The following RAB43 variants were observed in gnomAD, a reference collection of about 807,000 sequenced individuals.
RAB43 encodes ras-related protein Rab-43.
Under a neutral mutation model 18.8 loss-of-function variants are expected in RAB43, and 6 were observed. The observed-to-expected ratio is 0.32, with a 90% CI of 0.17 to 0.63. The LOEUF (loss-of-function observed/expected upper bound fraction) is 0.63. RAB43 is among the 30% of genes least tolerant of loss of function. The pLI is 0.79. For synonymous variants in RAB43, 103 were observed against 124.1 expected (o/e 0.83, Z 1.13); for missense variants, 195 against 289.1 (o/e 0.67, Z 2.36).
intron 1 of RAB43, among the ~76,000 whole-genome samples, chr3:129,114,132 T>C (rs536362172): frequency 1.3e-5 from 2 of 152,202 alleles, no homozygotes; most frequent in Admixed American, 6.5e-5. Flanking sequence ...GTCTAGAAAG[T>C]GGGATTTTTC....
intron 1 of RAB43, among the ~76,000 whole-genome samples, chr3:129,099,155 G>A (rs189070430): frequency 0.015 from 2,254 of 151,376 alleles, 39 homozygotes; most frequent in African/African-American, 0.052. Context: ...GCAGTGGCGC[G>A]GTCTCGGCTC....
chr3:129,108,888 C>T (rs1399952731), intron 1 of RAB43, among the ~76,000 whole-genome samples: 1 of 152,172 alleles, frequency 6.6e-6, no homozygotes, highest in African/African-American at 2.4e-5. Flanking sequence ...GGGGCTGCCT[C>T]CTGTGCTGCA....
chr3:129,105,303 A>C (rs1037174263), intron 1 of RAB43, among the ~76,000 whole-genome samples: 39 of 152,050 alleles, frequency 2.6e-4, no homozygotes, highest in African/African-American at 9.2e-4. Flanking sequence ...AAATACAAAA[A>C]TTAGCTGGGC....
intron 1 of RAB43, among the ~76,000 whole-genome samples, chr3:129,100,298 G>A (rs1333168121): frequency 2.6e-5 from 4 of 152,132 alleles, no homozygotes; most frequent in Non-Finnish European, 5.9e-5. Flanking sequence ...CATAAGACAG[G>A]GTGAAATCAA....
intron 1 of RAB43, among the ~76,000 whole-genome samples, chr3:129,103,650 C>T (rs1222722293): frequency 8.5e-5 from 13 of 152,062 alleles, no homozygotes; most frequent in Non-Finnish European, 1.5e-4. Context: ...CTGCAACCTC[C>T]GCCTCCCAGC....
In RAB43 at chr3:129,121,799, C is replaced by T. The variant is rs1935956821; in HGVS notation, c.-310G>A. On this transcript the variant is annotated 5_prime_UTR_variant, in exon 1 of 3. Transcript: ENST00000315150. The stretch of plus-strand genomic sequence containing the variant: ...GCCGGTCCTCAGCTCCGTGCCACAC[C>T]AGTCTGGCCTGTAGGCCCGCCCCAG... 1 of 187,678 alleles carries T rather than the reference C, an allele frequency of 5.3e-6. No homozygotes were observed. Among genetic ancestry groups the T allele is most frequent in the Non-Finnish European group, 1.1e-5 (1 of 92,016 alleles). The allele number at this position is 187,678 out of a possible 1,614,324, so 11.6% of individuals were successfully genotyped here. A position where few individuals can be genotyped will look rare whatever the true frequency, so the allele number is the denominator to read the frequency against.
chr3:129,109,840 A>G (rs912451101), intron 1 of RAB43, among the ~76,000 whole-genome samples: 1 of 151,878 alleles, frequency 6.6e-6, no homozygotes, highest in Admixed American at 6.6e-5. Flanking sequence ...CAATGAGGAG[A>G]AAGTAAAAGT....
At position 129,121,385 on chromosome 3, in the gene RAB43, C is replaced by T; in HGVS notation, c.105G>A (p.Val35=). 1.2e-6 allele frequency: 2 copies of T among 1,612,704 alleles called. No homozygotes were observed. The highest frequency in any genetic ancestry group is 3.3e-5 in the Admixed American group (2 of 59,814). The change falls in exon 1 of 3, where the codon GTG becomes GTA. Residue 35 remains valine (V), a synonymous_variant. Coordinates refer to ENST00000315150, the MANE Select transcript of RAB43 (RefSeq NM_198490.3). ...GDASVGKTCV[V]QRFKTGAFSE... ...AGAAGGCGCCGGTCTTGAAGCGCTG[C>T]ACCACGCACGTCTTGCCCACGCTTG...
intron 1 of RAB43, among the ~76,000 whole-genome samples, chr3:129,110,720 T>C (rs1935111512): frequency 6.6e-6 from 1 of 152,240 alleles, no homozygotes; most frequent in Non-Finnish European, 1.5e-5. Context: ...GAGTGGCTGC[T>C]TATGGTGATG....
At chr3:129,103,987 T>C (rs1459963319) in intron 1 of RAB43, among the ~76,000 whole-genome samples, 1 of 152,242 alleles carries the variant, frequency 6.6e-6, no homozygotes, top group Non-Finnish European at 1.5e-5. Flanking sequence ...AAAGGTTTAC[T>C]TTCTCTGCCT....
intron 1 of RAB43, among the ~76,000 whole-genome samples, chr3:129,116,025 G>A (rs139909253): frequency 3.3e-5 from 5 of 152,104 alleles, no homozygotes; most frequent in African/African-American, 9.7e-5. Context: ...GCCCCAAAGC[G>A]CAGGAATAGC....
intron 1 of RAB43, among the ~76,000 whole-genome samples, chr3:129,111,975 C>T (rs1370348356): frequency 2.6e-5 from 4 of 152,232 alleles, no homozygotes; most frequent in South Asian, 4.1e-4. Context: ...AAGCCAGGCA[C>T]GGCAGCTCAC....
chr3:129,118,072 G>A (rs1465691590), intron 1 of RAB43, among the ~76,000 whole-genome samples: 1 of 152,150 alleles, frequency 6.6e-6, no homozygotes, highest in South Asian at 2.1e-4. Flanking sequence ...TGGCATTTGC[G>A]TTGGGACCTG....
rs1201578076 is a variant in RAB43 at position 129,121,269 on chromosome 3, C to T, written c.204+17G>A. 10 of 1,587,572 alleles carry T rather than the reference C, an allele frequency of 6.3e-6. No individual in the cohort carries two copies. The highest frequency in any genetic ancestry group is 8.6e-6 in the Non-Finnish European group (10 of 1,166,806). On this transcript the variant is annotated intron_variant, in intron 1 of 2. Transcript: ENST00000315150. ...CTCCGAGGGAGCGCCTTCCAGGGGC[C>T]CTGGCCGGCCTCCCACCTTGACCCG... is the stretch of plus-strand genomic sequence containing the variant.
intron 2 of RAB43, 33 bp from the exon 3 acceptor site, chr3:129,091,379 T>C: frequency 6.3e-7 from 1 of 1,591,440 alleles, no homozygotes; most frequent in African/African-American, 1.3e-5. Context: ...CATGAGGCCA[T>C]GGGGGCTGGG....
chr3:129,098,481 A>G (rs902845118), intron 1 of RAB43, among the ~76,000 whole-genome samples: 2 of 152,244 alleles, frequency 1.3e-5, no homozygotes, highest in African/African-American at 4.8e-5. Flanking sequence ...TAAGTTATCA[A>G]CCACAATTTC....
At chr3:129,103,144 C>T (rs1403891664) in intron 1 of RAB43, among the ~76,000 whole-genome samples, 1 of 152,214 alleles carries the variant, frequency 6.6e-6, no homozygotes, top group Non-Finnish European at 1.5e-5. Context: ...TCCTGGACTC[C>T]AGGCTGGCTG....
At position 129,092,633 on chromosome 3, in the gene RAB43, T is replaced by C. The variant is rs777132241; in HGVS notation, c.389-1287A>G. The C allele has an allele frequency of 1.3e-4, 73 of 556,956 alleles. 1 individual carries two copies. The highest frequency in any genetic ancestry group is 7.6e-4 in the South Asian group (33 of 43,480). 34.5% of individuals were successfully genotyped at this position (556,956 alleles called of 1,614,324 possible). ...ATGTATATAAGTATGCATAAATAAA[T>C]AGATAAAATACTATTTTCATAGCTG... On this transcript the variant is annotated intron_variant, in intron 2 of 2. Coordinates refer to ENST00000315150, the MANE Select transcript of RAB43 (RefSeq NM_198490.3).
At chr3:129,114,183 A>C (rs1935347762) in intron 1 of RAB43, among the ~76,000 whole-genome samples, 1 of 152,216 alleles carries the variant, frequency 6.6e-6, no homozygotes, top group African/African-American at 2.4e-5. Flanking sequence ...CCCCCAGTTC[A>C]TCTGAATTAA....
Sources: allele counts gnomAD v4.1 joint callset (sites outside exome capture counted in the v4.1 genomes callset), GRCh38; gene constraint gnomAD v4.1.1; transcripts MANE v1.5; gene names NCBI Gene and HGNC (gene_info 2026-07-23, HGNC 2026-07-21).